STIMATE: variants seen among roughly 807,000 people sequenced by gnomAD.
STIMATE encodes STIM activating enhancer.
In STIMATE, 15 loss-of-function variants were observed where a neutral mutation model predicts 36.7. The ratio of observed to expected loss-of-function variants is 0.41; its 90% confidence interval spans 0.27 to 0.63. The LOEUF (loss-of-function observed/expected upper bound fraction) is 0.63. STIMATE is among the 20% of genes least tolerant of loss of function. STIMATE has a pLI of 0.32. For synonymous variants in STIMATE, 163 were observed against 162.3 expected, an observed-to-expected ratio of 1.00 and a Z score of -0.03; for missense variants, 305 against 397.3, an observed-to-expected ratio of 0.77 and a Z score of 1.98.
intron 1 of STIMATE, among the ~76,000 whole-genome samples, chr3:52,874,471 G>A (rs928934107): frequency 1.3e-5 from 2 of 152,192 alleles, no homozygotes; most frequent in African/African-American, 4.8e-5. Flanking sequence ...CTCTCTAGAG[G>A]ATGGACTTAC....
At chr3:52,847,558 A>G (rs1255445856) in intron 4 of STIMATE, 2 of 1,289,508 alleles carry the variant, frequency 1.6e-6, no homozygotes, top group Non-Finnish European at 2.0e-6. Flanking sequence ...TCTTCTAGGA[A>G]CAAAAGACAC....
Position 52,897,519 on chromosome 3 carries a change from C to T in STIMATE, c.-69G>A. The T allele has an allele frequency of 8.4e-7, 1 of 1,186,472 alleles. No homozygotes were observed. The highest frequency in any genetic ancestry group is 1.0e-6 in the Non-Finnish European group (1 of 959,752). The allele number at this position is 1,186,472 out of a possible 1,614,324, so 73.5% of individuals were successfully genotyped here. ...GCCTCGCTGCCTGCCGGCGCAGCGCCGCCAAACCCGCAGCCGGGATCCCAA... is the reference window on the plus strand; with the variant it reads ...GCCTCGCTGCCTGCCGGCGCAGCGCTGCCAAACCCGCAGCCGGGATCCCAA... On this transcript the variant is annotated 5_prime_UTR_variant, in exon 1 of 8. Coordinates refer to ENST00000355083, the MANE Select transcript of STIMATE (RefSeq NM_198563.5).
At chr3:52,843,631 C>CA (rs55829187) in intron 6 of STIMATE, 90 bp downstream of exon 6, 1,571,263 of 1,602,272 alleles carry the variant, frequency 0.98, 775,318 homozygotes, top group East Asian at 1. Flanking sequence ...CTGAGGGCTA[C>CA]AGGTGAGCTT....
chr3:52,851,313 C>T (rs549513176), intron 3 of STIMATE, among the ~76,000 whole-genome samples: 55 of 152,354 alleles, frequency 3.6e-4, no homozygotes, highest in African/African-American at 1.3e-3. Flanking sequence ...TGACCCTCTA[C>T]GATACCATGT....
At chr3:52,843,177 C>T (rs572082347) in intron 6 of STIMATE, 151 of 898,662 alleles carry the variant, frequency 1.7e-4, no homozygotes, top group Non-Finnish European at 2.3e-4. Context: ...GTGCAAGGAA[C>T]GTGCCCTGAC....
chr3:52,845,197 A>G (rs541527288), intron 4 of STIMATE, among the ~76,000 whole-genome samples: 1 of 152,372 alleles, frequency 6.6e-6, no homozygotes, highest in South Asian at 2.1e-4. Flanking sequence ...ATAGGATTAA[A>G]AAGCACTAAA....
intron 1 of STIMATE, among the ~76,000 whole-genome samples, chr3:52,858,270 A>C (rs557989760): frequency 1.3e-5 from 2 of 152,316 alleles, no homozygotes; most frequent in South Asian, 4.1e-4. Flanking sequence ...GCTTTTCTGT[A>C]AGTTTAATAT....
At chr3:52,876,760 T>C (rs1291719246) in intron 1 of STIMATE, among the ~76,000 whole-genome samples, 1 of 152,210 alleles carries the variant, frequency 6.6e-6, no homozygotes, top group Non-Finnish European at 1.5e-5. Flanking sequence ...ATATAAAATA[T>C]GTGTTAATTG....
At chr3:52,852,111 C>T (rs1159554841) in intron 3 of STIMATE, among the ~76,000 whole-genome samples, 1 of 152,174 alleles carries the variant, frequency 6.6e-6, no homozygotes, top group Non-Finnish European at 1.5e-5. Flanking sequence ...AATATCATGG[C>T]CGGATTGAGG....
chr3:52,858,653 A>T (rs75677457), intron 1 of STIMATE, among the ~76,000 whole-genome samples: 2 of 152,172 alleles, frequency 1.3e-5, no homozygotes, highest in Non-Finnish European at 2.9e-5. Flanking sequence ...CAACTTGGCA[A>T]TATCTATCAA....
At chr3:52,868,966 C>G (rs977694644) in intron 1 of STIMATE, among the ~76,000 whole-genome samples, 3 of 152,158 alleles carry the variant, frequency 2.0e-5, no homozygotes, top group Non-Finnish European at 4.4e-5. Flanking sequence ...TCTGACAACC[C>G]GGCAAAGTAT....
intron 3 of STIMATE, 99 bp from the exon 4 acceptor site, chr3:52,850,012 TTTG>T: frequency 6.8e-7 from 1 of 1,470,846 alleles, no homozygotes; most frequent in Non-Finnish European, 9.0e-7. Flanking sequence ...GGACCCAGCA[TTTG>T]TTTGGGCCCA....
Position 52,843,790 on chromosome 3 carries a change from C to A in STIMATE, c.549G>T (p.Leu183=). 2 of 1,613,766 alleles carry A rather than the reference C, an allele frequency of 1.2e-6. No homozygotes were observed. Among genetic ancestry groups the A allele is most frequent in the Admixed American group, 3.3e-5 (2 of 60,008 alleles). Residue 183 remains leucine (L), a synonymous_variant, in exon 6 of 8, where the codon CTG becomes CTT. Coordinates refer to ENST00000355083, the MANE Select transcript of STIMATE (RefSeq NM_198563.5). ...AGTCTGGGTTTTCAATGGGATTCAA[C>A]AGGGCCACCTGTAAAGAGAAGCAGA... is the stretch of plus-strand genomic sequence containing the variant. The part of the protein sequence containing the change: ...LLILQWKKVA[L]LNPIENPDLK...
At position 52,850,651 on chromosome 3, in the gene STIMATE, G is replaced by C. The variant is rs185652990; in HGVS notation, c.306-738C>G. On this transcript the variant is annotated intron_variant, in intron 3 of 7. Transcript: ENST00000355083. Reference sequence around the variant, plus strand: ...AGAGGTTCAGGAAAACAGCCTCTCGGGTTTCGCAGACAAAGAGGACAGGGC... The same window carrying C: ...AGAGGTTCAGGAAAACAGCCTCTCGCGTTTCGCAGACAAAGAGGACAGGGC... Among the ~76,000 whole-genome samples the C allele has an allele frequency of 7.9e-4, 121 of 152,284 alleles. 1 individual carries two copies. Among genetic ancestry groups the C allele is most frequent in the African/African-American group, 2.8e-3 (117 of 41,556 alleles).
At position 52,897,129 on chromosome 3, in the gene STIMATE, G is replaced by A. The variant is rs945036989; in HGVS notation, c.160+162C>T. On this transcript the variant is annotated intron_variant, in intron 1 of 7. Coordinates refer to ENST00000355083, the MANE Select transcript of STIMATE (RefSeq NM_198563.5). ...TGGAGGCCACAGCGAGTAGGTGAGG[G>A]GCTCGGGCTACCCCTAGTGCAGGAA... Among the ~76,000 whole-genome samples the A allele has an allele frequency of 5.9e-5, 9 of 152,274 alleles. No homozygotes were observed. In the East Asian group the frequency reaches 1.5e-3, roughly 26 times the overall value.
intron 1 of STIMATE, among the ~76,000 whole-genome samples, chr3:52,873,638 T>G (rs1004661243): frequency 2.6e-5 from 4 of 151,682 alleles, no homozygotes; most frequent in African/African-American, 9.7e-5. Context: ...GCCCTAGGGG[T>G]GGGGTGGGAG....
intron 6 of STIMATE, 135 bp from the exon 7 acceptor site, chr3:52,843,095 C>G: frequency 7.1e-7 from 1 of 1,415,108 alleles, no homozygotes; most frequent in Non-Finnish European, 9.4e-7. Context: ...ATCCAATCAC[C>G]CTGCTCTCTC....
At chr3:52,850,155 G>A (rs1468702373) in intron 3 of STIMATE, among the ~76,000 whole-genome samples, 5 of 152,208 alleles carry the variant, frequency 3.3e-5, no homozygotes, top group Non-Finnish European at 5.9e-5. Flanking sequence ...AGTGCTGGCT[G>A]CGCGCGGTGG....
chr3:52,859,531 A>AATTT (rs748928249), intron 1 of STIMATE, among the ~76,000 whole-genome samples: 244 of 18,874 alleles, frequency 0.013, 17 homozygotes, highest in South Asian at 0.022. Context: ...AAAAAAAAAA[A>AATTT]TTTTTTTTTT....
Sources: allele counts gnomAD v4.1 joint callset (sites outside exome capture counted in the v4.1 genomes callset), GRCh38; gene constraint gnomAD v4.1.1; transcripts MANE v1.5; gene names NCBI Gene and HGNC (gene_info 2026-07-23, HGNC 2026-07-21).